PLAGL1: variants seen among roughly 807,000 people sequenced by gnomAD.
PLAGL1 encodes the protein PLAG1 like zinc finger 1.
Under a neutral mutation model 4.6 loss-of-function variants are expected in PLAGL1, and 1 was observed. That is an observed-to-expected ratio of 0.22 (90% CI 0.08 to 1.03). The LOEUF is 1.03. PLAGL1 is among the 50% of genes least tolerant of loss of function. The pLI is 0.58. For synonymous variants in PLAGL1, 240 were observed against 237.8 expected, an observed-to-expected ratio of 1.01 and a Z score of -0.08; for missense variants, 464 against 570.4, an observed-to-expected ratio of 0.81 and a Z score of 1.90.
chr6:143,984,369 C>T lies in PLAGL1; in HGVS notation c.-544+766G>A, dbSNP rs1339555802. 6.6e-6 allele frequency among the ~76,000 whole-genome samples: 1 copy of T among 152,084 alleles called. No individual in the cohort carries two copies. Among genetic ancestry groups the T allele is most frequent in the African/African-American group, 2.4e-5 (1 of 41,416 alleles). ...AGAAACACCACAGACCAAAGGCCAT[C>T]GATAATCACTTGTTGGAAACAAACA... On this transcript the variant is annotated intron_variant, in intron 2 of 7. Transcript: ENST00000674357. This position sits in a 1 kb window ranked among gnomAD's most constrained non-coding sequence, Gnocchi z 5.5.
chr6:144,017,839 G>C (rs1795669438), intron 1 of PLAGL1, among the ~76,000 whole-genome samples: 1 of 152,112 alleles, frequency 6.6e-6, no homozygotes, highest in Non-Finnish European at 1.5e-5. Context: ...TGCTCTTCCT[G>C]GTTTCTCACT....
At chr6:143,976,285 C>CTTTTTTTTTTTTTT (rs58569870) in intron 2 of PLAGL1, among the ~76,000 whole-genome samples, 1 of 113,232 alleles carries the variant, frequency 8.8e-6, no homozygotes, top group Non-Finnish European at 1.8e-5. Flanking sequence ...GATTTCTTTT[C>CTTTTTTTTTTTTTT]TTTTTTTTTT....
At position 143,982,894 on chromosome 6, in the gene PLAGL1, T is replaced by A. The variant is rs2128610859; in HGVS notation, c.-544+2241A>T. 6.6e-6 allele frequency among the ~76,000 whole-genome samples: 1 copy of A among 152,296 alleles called. No homozygotes were observed. The highest frequency in any genetic ancestry group is 2.4e-5 in the African/African-American group (1 of 41,576). ...GACATGTTAGGTTTGATATGCCTATTAGACATCCAGCAATTGGATATTTTA... is the reference window on the plus strand; with the variant it reads ...GACATGTTAGGTTTGATATGCCTATAAGACATCCAGCAATTGGATATTTTA... On this transcript the variant is annotated intron_variant, in intron 2 of 7. Transcript: ENST00000674357. The surrounding 1 kb of genome is among the most constrained non-coding windows in gnomAD (Gnocchi z 5.3).
intron 1 of PLAGL1, among the ~76,000 whole-genome samples, chr6:144,029,471 A>G (rs78656815): frequency 0.012 from 1,886 of 152,362 alleles, 29 homozygotes; most frequent in African/African-American, 0.042. Context: ...TTAACTCAAT[A>G]GAATAATGAA....
At chr6:144,033,115 T>G (rs1796953554) in intron 1 of PLAGL1, among the ~76,000 whole-genome samples, 1 of 152,026 alleles carries the variant, frequency 6.6e-6, no homozygotes, top group South Asian at 2.1e-4. Flanking sequence ...CATCAGCAAA[T>G]AAACAAAATG....
chr6:144,024,313 G>T (rs1796185957), intron 1 of PLAGL1, among the ~76,000 whole-genome samples: 2 of 152,150 alleles, frequency 1.3e-5, no homozygotes, highest in Non-Finnish European at 2.9e-5. Context: ...GAATATACAA[G>T]ATGTACCTTG....
In PLAGL1 at chr6:143,963,950, C is replaced by T. The variant is rs1783903356; in HGVS notation, c.-399+837G>A. On this transcript the variant is annotated intron_variant, in intron 5 of 7. Coordinates refer to ENST00000674357, the MANE Select transcript of PLAGL1 (RefSeq NM_001317162.2). The surrounding 1 kb of genome is among the most constrained non-coding windows in gnomAD (Gnocchi z 6.1). ...ATTTTCATCCAGCTGAAGACAGAAGCATTCTGAAGAAGTCTGTCTTTGTTA... is the reference window on the plus strand; with the variant it reads ...ATTTTCATCCAGCTGAAGACAGAAGTATTCTGAAGAAGTCTGTCTTTGTTA... 6.6e-6 allele frequency among the ~76,000 whole-genome samples: 1 copy of T among 152,192 alleles called. No homozygotes were observed. The highest frequency in any genetic ancestry group is 2.4e-5 in the African/African-American group (1 of 41,448).
At position 144,015,341 on chromosome 6, in the gene PLAGL1, C is replaced by T. The variant is rs1271020208; in HGVS notation, c.-150-46363G>A. On this transcript the variant is annotated intron_variant, in intron 1 of 3. Coordinates refer to the PLAGL1 transcript ENST00000437412. This position sits in a 1 kb window ranked among gnomAD's most constrained non-coding sequence, Gnocchi z 4.3. ...TAGCTTACATGATATTTCTGTTTGACAACACTGTTTTAGAAGAAAACCTAG... is the reference window on the plus strand; with the variant it reads ...TAGCTTACATGATATTTCTGTTTGATAACACTGTTTTAGAAGAAAACCTAG... Among the ~76,000 whole-genome samples, 1 of 152,110 alleles carries T rather than the reference C, an allele frequency of 6.6e-6. No homozygotes were observed. The highest frequency in any genetic ancestry group is 2.4e-5 in the African/African-American group (1 of 41,408).
rs967702119 is a variant in PLAGL1 at position 143,962,205 on chromosome 6, A to G, written c.-398-1663T>C. Among the ~76,000 whole-genome samples, 2 of 152,230 alleles carry G rather than the reference A, an allele frequency of 1.3e-5. No individual in the cohort carries two copies. Among genetic ancestry groups the G allele is most frequent in the Non-Finnish European group, 2.9e-5 (2 of 68,044 alleles). The stretch of plus-strand genomic sequence containing the variant: ...GTCTGGGGGGAAAATCATGTGCAGT[A>G]TATGACGATTTAATAAAGCAGAGAA... On this transcript the variant is annotated intron_variant, in intron 5 of 7. Coordinates refer to ENST00000674357, the MANE Select transcript of PLAGL1 (RefSeq NM_001317162.2). The surrounding 1 kb of genome is among the most constrained non-coding windows in gnomAD (Gnocchi z 5.3).
chr6:144,051,885 C>G (rs571717856), intron 1 of PLAGL1, among the ~76,000 whole-genome samples: 5 of 152,182 alleles, frequency 3.3e-5, no homozygotes. Flanking sequence ...GTTACTCCCA[C>G]GACATGTGGG....
chr6:144,064,074 C>T lies in PLAGL1; in HGVS notation c.-151+394G>A, dbSNP rs948068416. ...CCCCAGCCTCGGAGAGCACAGGACCCGGGAGGCGGCGACCTGCCTCCGCGC... is the reference window on the plus strand; with the variant it reads ...CCCCAGCCTCGGAGAGCACAGGACCTGGGAGGCGGCGACCTGCCTCCGCGC... On this transcript the variant is annotated intron_variant, in intron 1 of 3. Coordinates refer to the PLAGL1 transcript ENST00000437412. This position sits in a 1 kb window ranked among gnomAD's most constrained non-coding sequence, Gnocchi z 6.8. Among the ~76,000 whole-genome samples the T allele has an allele frequency of 1.3e-5, 2 of 152,188 alleles. No individual in the cohort carries two copies. The highest frequency in any genetic ancestry group is 4.8e-5 in the African/African-American group (2 of 41,458).
intron 1 of PLAGL1, among the ~76,000 whole-genome samples, chr6:144,057,759 C>T (rs1799082498): frequency 6.7e-6 from 1 of 148,578 alleles, no homozygotes; most frequent in South Asian, 2.1e-4. Context: ...ATGCCTTCCA[C>T]ACCACCACGC....
rs1189793756 is a variant in PLAGL1, at chr6:143,984,169, C to T, written c.-544+966G>A. 2.0e-5 allele frequency among the ~76,000 whole-genome samples: 3 copies of T among 152,124 alleles called. No homozygotes were observed. The highest frequency in any genetic ancestry group is 6.6e-5 in the Admixed American group (1 of 15,244). On this transcript the variant is annotated intron_variant, in intron 2 of 7. Transcript: ENST00000674357. The surrounding 1 kb of genome is among the most constrained non-coding windows in gnomAD (Gnocchi z 5.5). Reference sequence around the variant, plus strand: ...AACTGTCCTTTTATGGTCCAACTTGCGTTCTGCTCAAATGTCCTTCTTCTC... The same window carrying T: ...AACTGTCCTTTTATGGTCCAACTTGTGTTCTGCTCAAATGTCCTTCTTCTC...
At chr6:144,023,464 G>A (rs1227500808) in intron 1 of PLAGL1, among the ~76,000 whole-genome samples, 2 of 152,108 alleles carry the variant, frequency 1.3e-5, no homozygotes, top group African/African-American at 4.8e-5. Context: ...ACTCATTGAA[G>A]GGGGGCTGGG....
In PLAGL1 at chr6:143,955,321, A is replaced by G. The variant is rs145124473; in HGVS notation, c.-325+5148T>C. Among the ~76,000 whole-genome samples the G allele has an allele frequency of 2.6e-4, 40 of 152,352 alleles. 1 individual carries two copies. The East Asian group carries it at 6.7e-3, about 26-fold the overall frequency. Reference sequence around the variant, plus strand: ...AAGTGGTTCAGTAAGACTGGAATACAGGTGCAGATGTGGGCAAAGGAGAAA... The same window carrying G: ...AAGTGGTTCAGTAAGACTGGAATACGGGTGCAGATGTGGGCAAAGGAGAAA... On this transcript the variant is annotated intron_variant, in intron 6 of 7. Transcript: ENST00000674357. This position sits in a 1 kb window ranked among gnomAD's most constrained non-coding sequence, Gnocchi z 4.9.
rs535576166 is a variant in PLAGL1 at position 144,060,815 on chromosome 6, T to C, written c.-151+3653A>G. On this transcript the variant is annotated intron_variant, in intron 1 of 3. Coordinates refer to the PLAGL1 transcript ENST00000437412. ...CCGACCTCTTCAGAGATCAGACCTATGTGAAAGGATATGCAAGAAAATATT... is the reference window on the plus strand; with the variant it reads ...CCGACCTCTTCAGAGATCAGACCTACGTGAAAGGATATGCAAGAAAATATT... Among the ~76,000 whole-genome samples, 11 of 152,322 alleles carry C rather than the reference T, an allele frequency of 7.2e-5. No homozygotes were observed. In the South Asian group the frequency reaches 1.4e-3, roughly 20 times the overall value.
At position 143,942,426 on chromosome 6, in the gene PLAGL1, C is replaced by G; in HGVS notation, c.390G>C (p.Gly130=). Residue 130 remains glycine, a synonymous_variant, in exon 8 of 8, where the codon GGG becomes GGC. Coordinates refer to ENST00000674357, the MANE Select transcript of PLAGL1 (RefSeq NM_001317162.2). This position sits in a 1 kb window ranked among gnomAD's most constrained non-coding sequence, Gnocchi z 7.6. ...GGTGGTCCAGTAGCACCTCGGTGCT[C>G]CCTAGCTCCAGGGCACAGACCCCAC... ...LTCGVCALEL[G]STEVLLDHLK... The G allele has an allele frequency of 6.2e-7, 1 of 1,614,122 alleles. No homozygotes were observed. The highest frequency in any genetic ancestry group is 8.5e-7 in the Non-Finnish European group (1 of 1,180,014).
At chr6:143,993,425 G>C (rs1228568850) in intron 1 of PLAGL1, among the ~76,000 whole-genome samples, 1 of 151,364 alleles carries the variant, frequency 6.6e-6, no homozygotes, top group East Asian at 1.9e-4. Flanking sequence ...TTTCAAGAAA[G>C]AGCTGAGCTT....
rs952196543 is a variant in PLAGL1, at chr6:143,964,585, C to T, written c.-399+202G>A. 6.6e-6 allele frequency among the ~76,000 whole-genome samples: 1 copy of T among 150,960 alleles called. No individual in the cohort carries two copies. The highest frequency in any genetic ancestry group is 2.4e-5 in the African/African-American group (1 of 41,014). ...GCACATCTGTGCTATAGACTAGCTA[C>T]AACTGCTGGAACTGGAGCCAATCTA... is the stretch of plus-strand genomic sequence containing the variant. On this transcript the variant is annotated intron_variant, in intron 5 of 7. Transcript: ENST00000674357. The surrounding 1 kb of genome is among the most constrained non-coding windows in gnomAD (Gnocchi z 4.3).
Sources: allele counts gnomAD v4.1 joint callset (sites outside exome capture counted in the v4.1 genomes callset), GRCh38; gene constraint gnomAD v4.1.1; non-coding constraint Gnocchi (gnomAD v3.1); transcripts MANE v1.5; gene names NCBI Gene and HGNC (gene_info 2026-07-23, HGNC 2026-07-21).